The following NPR1 variants were observed in gnomAD, a reference collection of about 807,000 sequenced individuals.
The protein encoded by NPR1 is atrial natriuretic peptide receptor 1.
In NPR1, 57 loss-of-function variants were observed where a neutral mutation model predicts 116.9. The observed-to-expected ratio is 0.49, with a 90% CI of 0.39 to 0.61. The LOEUF is 0.61. Ranked by LOEUF, NPR1 falls within the 20% of genes least tolerant of loss-of-function variation. The probability of loss-of-function intolerance (pLI) is 0.00; values close to 1 mark genes in which losing one functional copy is unlikely to be tolerated. For missense variants in NPR1, 1,096 were observed against 1,409.8 expected (o/e 0.78, Z 3.56); for synonymous variants, 555 against 601.6 (o/e 0.92, Z 1.13).
In NPR1 at chr1:153,692,547, C is replaced by T. The variant is rs139879167; in HGVS notation, c.3032-559C>T. Among the ~76,000 whole-genome samples, 1,114 of 149,010 alleles carry T rather than the reference C, an allele frequency of 7.5e-3. 8 individuals carry two copies. Among genetic ancestry groups the T allele is most frequent in the African/African-American group, 0.027 (1,071 of 40,218 alleles). On this transcript the variant is annotated intron_variant, in intron 20 of 21. Coordinates refer to ENST00000368680, the MANE Select transcript of NPR1 (RefSeq NM_000906.4). ...TTTTGGAGACAGAGTTTCGCTCTGT[C>T]GCCCAGCCTGGATGGAGTGCAGTGG...
Position 153,679,872 on chromosome 1 carries a change from C to T in NPR1, c.721+43C>T, listed in dbSNP as rs1292369620. On this transcript the variant is annotated intron_variant, in intron 1 of 21. Coordinates refer to ENST00000368680, the MANE Select transcript of NPR1 (RefSeq NM_000906.4). This position sits in a 1 kb window ranked among gnomAD's most constrained non-coding sequence, Gnocchi z 4.2. ...CCCGTCCCGCCGCTTAGCCGCAGGG[C>T]CTCCCCTCTGACCTGCCGGAGGCAT... 2.0e-6 allele frequency: 3 copies of T among 1,529,406 alleles called. No individual in the cohort carries two copies. In the South Asian group the frequency reaches 3.6e-5, roughly 18 times the overall value. The allele number at this position is 1,529,406 out of a possible 1,614,324, so 94.7% of individuals were successfully genotyped here. A position where few individuals can be genotyped will look rare whatever the true frequency, so the allele number is the denominator to read the frequency against.
chr1:153,680,744 A>G, intron 2 of NPR1, 44 bp downstream of exon 2: 1 of 1,504,544 alleles, frequency 6.6e-7, no homozygotes, highest in Non-Finnish European at 9.1e-7. Context: ...AGCTTGTGGC[A>G]CATCATTTCT....
intron 15 of NPR1, 184 bp from the exon 16 acceptor site, chr1:153,688,769 A>G: frequency 1.5e-6 from 1 of 662,994 alleles, no homozygotes; most frequent in Middle Eastern, 3.8e-4. Flanking sequence ...TTGGGGTCTC[A>G]GAAAAGAATT....
At chr1:153,692,237 T>C (rs1466572455) in intron 20 of NPR1, among the ~76,000 whole-genome samples, 1 of 152,200 alleles carries the variant, frequency 6.6e-6, no homozygotes, top group Non-Finnish European at 1.5e-5. Context: ...ATCAGCATTT[T>C]ACAGATTAGG....
In NPR1 at chr1:153,693,445, C is replaced by CT; in HGVS notation, c.*31_*32insT. The CT allele has an allele frequency of 3.2e-6, 5 of 1,565,046 alleles. No individual in the cohort carries two copies. Among genetic ancestry groups the CT allele is most frequent in the Non-Finnish European group, 4.3e-6 (5 of 1,153,408 alleles). The stretch of plus-strand genomic sequence containing the variant: ...CTCCTCTCCTATCCCTCCACACCTC[C>CT]CTACCCTGTGCCAGAAGCAACAGAG... On this transcript the variant is annotated 3_prime_UTR_variant, in exon 22 of 22. Coordinates refer to ENST00000368680, the MANE Select transcript of NPR1 (RefSeq NM_000906.4).
chr1:153,681,912 G>T, intron 4 of NPR1, 73 bp downstream of exon 4: 1 of 1,569,538 alleles, frequency 6.4e-7, no homozygotes, highest in East Asian at 2.2e-5. Flanking sequence ...CAAGCCATGA[G>T]AAGCCTATTG....
At chr1:153,685,182 AGCTCT>A (rs1482540114) in intron 8 of NPR1, 98 bp downstream of exon 8, 33 of 1,473,800 alleles carry the variant, frequency 2.2e-5, no homozygotes, top group Admixed American at 6.3e-5. Context: ...TTCTAGTCCC[AGCTCT>A]GCTTTCACTT....
Position 153,679,156 on chromosome 1 carries a change from G to A in NPR1, c.48G>A (p.Leu16=). 1.3e-6 allele frequency: 2 copies of A among 1,497,320 alleles called. No individual in the cohort carries two copies. Among genetic ancestry groups the A allele is most frequent in the African/African-American group, 1.5e-5 (1 of 68,686 alleles). The allele number at this position is 1,497,320 out of a possible 1,614,324, so 92.8% of individuals were successfully genotyped here. A position where few individuals can be genotyped will look rare whatever the true frequency, so the allele number is the denominator to read the frequency against. ...CTGGCTCCCGCCTGCGCCTGCTCCT[G>A]CTCCTGCTGCTGCCGCCGCTGCTGC... is the stretch of plus-strand genomic sequence containing the variant. The part of the protein sequence containing the change: ...RPAGSRLRLL[L]LLLLPPLLLL... The change falls in exon 1 of 22, where the codon CTG becomes CTA. Residue 16 remains leucine, a synonymous_variant. Transcript: ENST00000368680. This position sits in a 1 kb window ranked among gnomAD's most constrained non-coding sequence, Gnocchi z 4.2.
rs755872629 is a variant in NPR1 at position 153,693,074 on chromosome 1, G to T, written c.3032-32G>T. The stretch of plus-strand genomic sequence containing the variant: ...CTTTCCTGCTCTCCTCTCTCACATT[G>T]CTCACCTTCCCTTCTCCCCTGTCCT... On this transcript the variant is annotated intron_variant, in intron 20 of 21. Transcript: ENST00000368680. 3.2e-6 allele frequency: 5 copies of T among 1,558,396 alleles called. No individual in the cohort carries two copies. The African/African-American group carries it at 5.5e-5, about 17-fold the overall frequency.
Position 153,687,235 on chromosome 1 carries a change from C to T in NPR1, c.1971C>T (p.Ser657=). The T allele has an allele frequency of 6.2e-7, 1 of 1,614,140 alleles. No individual in the cohort carries two copies. Among genetic ancestry groups the T allele is most frequent in the Non-Finnish European group, 8.5e-7 (1 of 1,180,000 alleles). The change falls in exon 13 of 22, where the codon TCC becomes TCT. Residue 657 remains serine (S), a synonymous_variant. Coordinates refer to ENST00000368680, the MANE Select transcript of NPR1 (RefSeq NM_000906.4). ...MLFLHNGAIC[S]HGNLKSSNCV... ...TTCTACACAATGGGGCTATCTGTTC[C>T]CATGGGAACCTCAAGTCATCCAACT...
intron 7 of NPR1, among the ~76,000 whole-genome samples, chr1:153,684,546 C>A (rs1262885698): frequency 6.6e-6 from 1 of 151,944 alleles, no homozygotes; most frequent in East Asian, 1.9e-4. Context: ...CACATGCCAC[C>A]ACGCTCAGCT....
Position 153,687,325 on chromosome 1 carries a change from G to A in NPR1, c.2061G>A (p.Leu687=). Reference sequence around the variant, plus strand: ...ATGGGCTGGAGAGCTTCAGGGACCTGGACCCAGAGCAAGGACACACCGTTT... The same window carrying A: ...ATGGGCTGGAGAGCTTCAGGGACCTAGACCCAGAGCAAGGACACACCGTTT... ...TDYGLESFRD[L]DPEQGHTVYA... Residue 687 remains leucine, a synonymous_variant, in exon 13 of 22, where the codon CTG becomes CTA. Coordinates refer to ENST00000368680, the MANE Select transcript of NPR1 (RefSeq NM_000906.4). 1 of 1,614,100 alleles carries A rather than the reference G, an allele frequency of 6.2e-7. No homozygotes were observed. The highest frequency in any genetic ancestry group is 1.1e-5 in the South Asian group (1 of 91,082).
In NPR1 at chr1:153,687,642, T is replaced by C. The variant is rs1201356706; in HGVS notation, c.2101T>C (p.Trp701Arg). 3 of 1,584,816 alleles carry C rather than the reference T, an allele frequency of 1.9e-6. No homozygotes were observed. Among genetic ancestry groups the C allele is most frequent in the Non-Finnish European group, 2.6e-6 (3 of 1,161,152 alleles). Residue 701 changes from tryptophan to arginine, a missense_variant, in exon 14 of 22, where the codon TGG becomes CGG. Physicochemically the swap from Trp to Arg is moderately radical, Grantham distance 101 (BLOSUM62 -3). Coordinates refer to ENST00000368680, the MANE Select transcript of NPR1 (RefSeq NM_000906.4). ...CGACCTCTGACCCACAGAAAAGCTG[T>C]GGACGGCCCCTGAGCTCCTGCGAAT... ...QGHTVYAKKL[W>R]TAPELLRMAS...
chr1:153,684,827 C>A (rs1669881886), intron 7 of NPR1, 137 bp from the exon 8 acceptor site: 2 of 1,189,996 alleles, frequency 1.7e-6, no homozygotes, highest in Admixed American at 2.3e-5. Flanking sequence ...CATCCTGATT[C>A]TCAGTCCAGA....
intron 5 of NPR1, 39 bp from the exon 6 acceptor site, chr1:153,683,337 G>A (rs757850506): frequency 1.7e-5 from 27 of 1,599,050 alleles, no homozygotes; most frequent in African/African-American, 5.4e-5. Context: ...TGCCTTCCCC[G>A]CAGGCCCTGG....
intron 15 of NPR1, chr1:153,688,612 C>T: frequency 2.3e-6 from 1 of 427,428 alleles, no homozygotes. Context: ...CCCACCAGGC[C>T]CAGTTCCTCC....
At chr1:153,684,882 C>A in intron 7 of NPR1, 82 bp from the exon 8 acceptor site, 1 of 1,564,854 alleles carries the variant, frequency 6.4e-7, no homozygotes. Context: ...TGTGGTCCCA[C>A]GGCTCTGAGG....
Position 153,693,201 on chromosome 1 carries a change from G to A in NPR1, c.3123+4G>A, listed in dbSNP as rs1245173370. The A allele has an allele frequency of 6.2e-7, 1 of 1,613,814 alleles. No homozygotes were observed. The highest frequency in any genetic ancestry group is 1.1e-5 in the South Asian group (1 of 91,060). ...TCGAGGGGATGTAGAAATGAAGGTAGAGGGAGAAGCCTCTGCCCTCCCCAC... is the reference window on the plus strand; with the variant it reads ...TCGAGGGGATGTAGAAATGAAGGTAAAGGGAGAAGCCTCTGCCCTCCCCAC... On this transcript the variant is annotated splice_donor_region_variant and intron_variant, in intron 21 of 21. Coordinates refer to ENST00000368680, the MANE Select transcript of NPR1 (RefSeq NM_000906.4).
rs201267901 is a variant in NPR1, at chr1:153,689,127, C to A, written c.2564+28C>A. 75 of 1,614,110 alleles carry A rather than the reference C, an allele frequency of 4.6e-5. No individual in the cohort carries two copies. The East Asian group carries it at 9.4e-4, about 20-fold the overall frequency. On this transcript the variant is annotated intron_variant, in intron 16 of 21. Transcript: ENST00000368680. This position sits in a 1 kb window ranked among gnomAD's most constrained non-coding sequence, Gnocchi z 5.1. ...GAGTGCCTGAGTCTGGGGACCCCCC[C>A]CAACACAAAGCCCCTGTCCCGACCC...
Sources: gnomAD v4.1 joint callset for allele counts (sites outside exome capture counted in the v4.1 genomes callset) on GRCh38, gnomAD v4.1.1 for gene constraint, Gnocchi (gnomAD v3.1) non-coding constraint, MANE v1.5 for transcripts, NCBI Gene and HGNC (gene_info 2026-07-23, HGNC 2026-07-21) for gene names.